Variants in LRFN2 observed in about 807,000 individuals in gnomAD.
The protein encoded by LRFN2 is leucine rich repeat and fibronectin type III domain containing 2.
A neutral mutation model predicts 37.3 loss-of-function variants in LRFN2; 18 were observed. That is an observed-to-expected ratio of 0.48 (90% CI 0.33 to 0.72). LRFN2 has a LOEUF of 0.72. LRFN2 is among the 30% of genes least tolerant of loss of function. The pLI is 0.02. For missense variants in LRFN2, 1,006 were observed against 1,060.7 expected (o/e 0.95, Z 0.72); for synonymous variants, 556 against 466.6 (o/e 1.19, Z -2.47).
intron 1 of LRFN2, among the ~76,000 whole-genome samples, chr6:40,519,649 C>T (rs527759769): frequency 2.0e-5 from 3 of 152,358 alleles, no homozygotes; most frequent in Non-Finnish European, 4.4e-5. Context: ...CCTCTCCAGT[C>T]AAACCAGGCT....
intron 1 of LRFN2, among the ~76,000 whole-genome samples, chr6:40,479,790 G>A (rs1028432267): frequency 1.1e-4 from 16 of 152,314 alleles, no homozygotes; most frequent in African/African-American, 3.8e-4. Flanking sequence ...CCATTTGGGG[G>A]TTTGAAGACC....
chr6:40,575,845 G>A (rs1457565162), intron 1 of LRFN2, among the ~76,000 whole-genome samples: 1 of 152,144 alleles, frequency 6.6e-6, no homozygotes, highest in African/African-American at 2.4e-5. Flanking sequence ...TAATAGCTGT[G>A]TGACTTTGGG....
At chr6:40,519,372 T>C (rs1765982996) in intron 1 of LRFN2, among the ~76,000 whole-genome samples, 1 of 152,202 alleles carries the variant, frequency 6.6e-6, no homozygotes, top group African/African-American at 2.4e-5. Flanking sequence ...CAACCCTGTA[T>C]TCACATTCTT....
At chr6:40,475,475 G>T (rs1287116869) in intron 1 of LRFN2, among the ~76,000 whole-genome samples, 2 of 152,152 alleles carry the variant, frequency 1.3e-5, no homozygotes, top group Non-Finnish European at 2.9e-5. Flanking sequence ...GGGGCTGGTG[G>T]GGTGTCATGA....
rs140902051 is a variant in LRFN2 at position 40,415,103 on chromosome 6, G to A, written c.1400+16611C>T. Among the ~76,000 whole-genome samples, 637 of 152,324 alleles carry A rather than the reference G, an allele frequency of 4.2e-3. 3 individuals are homozygous for A. Among genetic ancestry groups the A allele is most frequent in the Non-Finnish European group, 6.6e-3 (450 of 68,040 alleles). ...TGCACACATCTGAGGCAAGGGACCA[G>A]AGACCCACCCCAGACAACTTTCTGC... On this transcript the variant is annotated intron_variant, in intron 2 of 2. Coordinates refer to ENST00000338305, the MANE Select transcript of LRFN2 (RefSeq NM_020737.3).
intron 1 of LRFN2, among the ~76,000 whole-genome samples, chr6:40,569,258 C>A (rs1316018421): frequency 2.0e-5 from 3 of 152,132 alleles, no homozygotes; most frequent in Non-Finnish European, 2.9e-5. Flanking sequence ...AGGATGGGAG[C>A]CTATTGTTTC....
At position 40,432,066 on chromosome 6, in the gene LRFN2, T is replaced by C. The variant is rs764584488; in HGVS notation, c.1048A>G (p.Thr350Ala). 1 of 1,614,066 alleles carries C rather than the reference T, an allele frequency of 6.2e-7. No homozygotes were observed. Among genetic ancestry groups the C allele is most frequent in the Non-Finnish European group, 8.5e-7 (1 of 1,180,014 alleles). ...DNGTLDIFIT[T>A]SQDSGAFTCI... ...GTGAAGGCACCACTGTCCTGAGATG[T>C]GGTGATGAAGATGTCCAGGGTGCCA... The change falls in exon 2 of 3, where the codon ACA becomes GCA. Residue 350 changes from threonine (T) to alanine (A), a missense_variant. Thr to Ala is a moderately conservative substitution (Grantham distance 58). This residue lies in a region of LRFN2 where 303 missense variants were observed against 299.8 expected (regional missense o/e 1.01). Transcript: ENST00000338305.
intron 1 of LRFN2, among the ~76,000 whole-genome samples, chr6:40,469,516 C>T (rs1764547291): frequency 6.6e-6 from 1 of 152,138 alleles, no homozygotes; most frequent in African/African-American, 2.4e-5. Flanking sequence ...CAGCCTCCAC[C>T]CCATGTCTGA....
chr6:40,562,697 A>T (rs1767020646), intron 1 of LRFN2, among the ~76,000 whole-genome samples: 1 of 152,166 alleles, frequency 6.6e-6, no homozygotes. Context: ...CATATTAATC[A>T]GCTAGAGAAA....
In LRFN2 at chr6:40,483,653, G is replaced by A. The variant is rs114099670; in HGVS notation, c.-18-50522C>T. 8.5e-3 allele frequency among the ~76,000 whole-genome samples: 1,290 copies of A among 152,218 alleles called. 20 individuals are homozygous for A. Among genetic ancestry groups the A allele is most frequent in the African/African-American group, 0.029 (1,208 of 41,538 alleles). On this transcript the variant is annotated intron_variant, in intron 1 of 2. Coordinates refer to ENST00000338305, the MANE Select transcript of LRFN2 (RefSeq NM_020737.3). ...TCTTGCTGTCCCCATTTTATCTCTAGGGAAACAAAGGCTCAGAAGTGGCAG... is the reference window on the plus strand; with the variant it reads ...TCTTGCTGTCCCCATTTTATCTCTAAGGAAACAAAGGCTCAGAAGTGGCAG...
rs1581794756 is a variant in LRFN2 at position 40,559,807 on chromosome 6, T to C, written c.-19+27134A>G. Among the ~76,000 whole-genome samples the C allele has an allele frequency of 4.6e-5, 7 of 152,304 alleles. 1 individual carries two copies. In the South Asian group the frequency reaches 1.5e-3, roughly 32 times the overall value. ...ATCCGCCCCCTCTGACTCCCCATCC[T>C]GGACGGGCTCCCCAGTCTTATTCAC... On this transcript the variant is annotated intron_variant, in intron 1 of 2. Coordinates refer to ENST00000338305, the MANE Select transcript of LRFN2 (RefSeq NM_020737.3).
chr6:40,407,391 T>C (rs976301208), intron 2 of LRFN2, among the ~76,000 whole-genome samples: 6 of 152,228 alleles, frequency 3.9e-5, no homozygotes, highest in African/African-American at 1.4e-4. Context: ...CTGTAGACCA[T>C]GTGACTTTCC....
Position 40,468,358 on chromosome 6 carries a change from G to A in LRFN2, c.-18-35227C>T, listed in dbSNP as rs577101222. Among the ~76,000 whole-genome samples, 16 of 152,108 alleles carry A rather than the reference G, an allele frequency of 1.1e-4. No homozygotes were observed. The East Asian group carries it at 1.2e-3, about 11-fold the overall frequency. On this transcript the variant is annotated intron_variant, in intron 1 of 2. Coordinates refer to ENST00000338305, the MANE Select transcript of LRFN2 (RefSeq NM_020737.3). ...GCGATCTGTGTCCAGCATGGGGTGCGGCCCCAGTAAAAACATGATAAGAAA... is the reference window on the plus strand; with the variant it reads ...GCGATCTGTGTCCAGCATGGGGTGCAGCCCCAGTAAAAACATGATAAGAAA...
chr6:40,465,976 C>A (rs1764452693), intron 1 of LRFN2, among the ~76,000 whole-genome samples: 1 of 152,130 alleles, frequency 6.6e-6, no homozygotes, highest in African/African-American at 2.4e-5. Context: ...TGACAGAAGG[C>A]AATCCTCTTA....
At chr6:40,529,846 A>T (rs763224151) in intron 1 of LRFN2, among the ~76,000 whole-genome samples, 11 of 152,264 alleles carry the variant, frequency 7.2e-5, no homozygotes, top group Non-Finnish European at 1.3e-4. Context: ...TGCTCAGCCT[A>T]GTGCCTGGCA....
At chr6:40,402,357 T>A (rs997997488) in intron 2 of LRFN2, among the ~76,000 whole-genome samples, 1 of 152,186 alleles carries the variant, frequency 6.6e-6, no homozygotes, top group African/African-American at 2.4e-5. Flanking sequence ...GAGCATGATC[T>A]TCCCTATGCT....
intron 1 of LRFN2, among the ~76,000 whole-genome samples, chr6:40,558,213 T>C (rs1222878490): frequency 6.6e-6 from 1 of 152,194 alleles, no homozygotes; most frequent in Non-Finnish European, 1.5e-5. Context: ...AGCCTACTTG[T>C]TCGACTGATT....
chr6:40,469,753 G>A (rs1287391930), intron 1 of LRFN2, among the ~76,000 whole-genome samples: 1 of 152,088 alleles, frequency 6.6e-6, no homozygotes, highest in Non-Finnish European at 1.5e-5. Flanking sequence ...AGTTCTCACT[G>A]ACTGGCCTCT....
chr6:40,438,870 TA>T (rs1561856209), intron 1 of LRFN2, among the ~76,000 whole-genome samples: 1 of 152,146 alleles, frequency 6.6e-6, no homozygotes, highest in East Asian at 1.9e-4. Context: ...ATAATAAATA[TA>T]AAGTTGTGGA....
Sources: gnomAD v4.1 joint callset for allele counts (sites outside exome capture counted in the v4.1 genomes callset) on GRCh38, gnomAD v4.1.1 for gene constraint, gnomAD v4.1.1 regional missense constraint, MANE v1.5 for transcripts, NCBI Gene and HGNC (gene_info 2026-07-23, HGNC 2026-07-21) for gene names.